The following MRTFB variants were observed in gnomAD, a reference collection of about 807,000 sequenced individuals.
The protein encoded by MRTFB is myocardin related transcription factor B, also known as myocardin-related transcription factor B.
Under a neutral mutation model 104.2 loss-of-function variants are expected in MRTFB, and 29 were observed. That is an observed-to-expected ratio of 0.28 (90% CI 0.21 to 0.38). MRTFB has a LOEUF of 0.38. Among genes scored for constraint, MRTFB ranks in the 10% least tolerant of loss-of-function variants. The probability of loss-of-function intolerance (pLI) is 1.00; values close to 1 mark genes in which losing one functional copy is unlikely to be tolerated. For missense variants in MRTFB, 1,270 were observed against 1,341.6 expected (o/e 0.95, Z 0.83); for synonymous variants, 535 against 519.5 (o/e 1.03, Z -0.41).
intron 2 of MRTFB, among the ~76,000 whole-genome samples, chr16:14,100,842 A>T (rs1383057347): frequency 6.6e-6 from 1 of 152,162 alleles, no homozygotes; most frequent in Non-Finnish European, 1.5e-5. Flanking sequence ...TAAGTTGTTG[A>T]ATTTATTGGC....
rs1377264951 is a variant in MRTFB, at chr16:14,262,609, T to G, written c.*1165T>G. On this transcript the variant is annotated 3_prime_UTR_variant, in exon 17 of 17. Transcript: ENST00000571589. ...CATTTTACAGGCTTGTAACTGGATA[T>G]TCTACCAGAGCTCTCACTATATTGT... is the stretch of plus-strand genomic sequence containing the variant. 6.6e-6 allele frequency: 1 copy of G among 152,218 alleles called. No homozygotes were observed. Among genetic ancestry groups the G allele is most frequent in the African/African-American group, 2.4e-5 (1 of 41,460 alleles). 9.4% of individuals were successfully genotyped at this position (152,218 alleles called of 1,614,324 possible). A position where few individuals can be genotyped will look rare whatever the true frequency, so the allele number is the denominator to read the frequency against.
the MRTFB span, among the ~76,000 whole-genome samples, chr16:14,061,173 G>A: frequency 6.6e-5 from 10 of 152,158 alleles, no homozygotes; most frequent in African/African-American, 2.4e-4. Flanking sequence ...AAACACCAAA[G>A]TTTGTGTTTT....
the MRTFB span, among the ~76,000 whole-genome samples, chr16:14,033,835 C>CAAAAAAAA: frequency 2.2e-5 from 2 of 90,494 alleles, no homozygotes; most frequent in Non-Finnish European, 2.2e-5. Context: ...GACTCAGTCT[C>CAAAAAAAA]AAAAAAAAAA....
chr16:14,180,264 G>A (rs2039724311), intron 3 of MRTFB, among the ~76,000 whole-genome samples: 2 of 152,158 alleles, frequency 1.3e-5, no homozygotes, highest in Non-Finnish European at 2.9e-5. Flanking sequence ...CCTTCAGTGA[G>A]TTACATTAAT....
At chr16:14,091,721 G>T (rs756645463) in intron 2 of MRTFB, among the ~76,000 whole-genome samples, 1 of 151,918 alleles carries the variant, frequency 6.6e-6, no homozygotes, top group African/African-American at 2.4e-5. Flanking sequence ...AAAGCCGGGC[G>T]TGGTGGCTCA....
chr16:14,035,238 TA>T, the MRTFB span, among the ~76,000 whole-genome samples: 1 of 152,126 alleles, frequency 6.6e-6, no homozygotes, highest in African/African-American at 2.4e-5. Flanking sequence ...CCCTTTCCTA[TA>T]AATCAGGGAA....
rs899800023 is a variant in MRTFB at position 14,266,102 on chromosome 16, G to A, written c.*4658G>A. ...TTAAAGGAACCAAAGGCATTGCCAA[G>A]TATTTGCCAAAAGGAGGCACTTTTT... On this transcript the variant is annotated 3_prime_UTR_variant, in exon 17 of 17. Coordinates refer to ENST00000571589, the MANE Select transcript of MRTFB (RefSeq NM_001308142.2). 1.1e-4 allele frequency: 16 copies of A among 152,164 alleles called. No homozygotes were observed. Among genetic ancestry groups the A allele is most frequent in the Non-Finnish European group, 2.2e-4 (15 of 68,034 alleles). 9.4% of individuals were successfully genotyped at this position (152,164 alleles called of 1,614,324 possible). A position where few individuals can be genotyped will look rare whatever the true frequency, so the allele number is the denominator to read the frequency against.
chr16:14,187,138 T>G, intron 3 of MRTFB: 1 of 905,636 alleles, frequency 1.1e-6, no homozygotes, highest in Non-Finnish European at 1.7e-6. Flanking sequence ...CTCTCTCTGT[T>G]CACTCATGTA....
chr16:14,029,528 C>CAG, the MRTFB span, among the ~76,000 whole-genome samples: 1 of 127,402 alleles, frequency 7.8e-6, no homozygotes, highest in Non-Finnish European at 1.8e-5. Flanking sequence ...CACACACACA[C>CAG]ACATATATAT....
At chr16:14,159,770 A>C (rs1389959415) in intron 3 of MRTFB, among the ~76,000 whole-genome samples, 1 of 151,388 alleles carries the variant, frequency 6.6e-6, no homozygotes, top group African/African-American at 2.4e-5. Context: ...TCTACTAAAA[A>C]TACAAAAAAA....
intron 2 of MRTFB, among the ~76,000 whole-genome samples, chr16:14,125,988 C>T (rs187699839): frequency 2.0e-3 from 306 of 152,302 alleles, no homozygotes; most frequent in African/African-American, 6.8e-3. Context: ...TACACTCAAA[C>T]TTCTTAACTT....
chr16:14,251,376 CAAAAAAAAAAAAAAA>C lies in MRTFB; in HGVS notation c.2404-477_2404-463del, dbSNP rs776143724. Among the ~76,000 whole-genome samples, 43 of 44,712 alleles carry C rather than the reference CAAAAAAAAAAAAAAA, an allele frequency of 9.6e-4. 1 individual carries two copies. Among genetic ancestry groups the C allele is most frequent in the African/African-American group, 3.1e-3 (40 of 13,076 alleles). 29.3% of individuals were successfully genotyped at this position (44,712 alleles called of 152,430 possible). ...TGGGTGACACAGCAAGACTCCGTCT[CAAAAAAAAAAAAAAA>C]AAAAAAAAGACTTGAGAGTAGATGA... On this transcript the variant is annotated intron_variant, in intron 13 of 16. Transcript: ENST00000571589.
intron 2 of MRTFB, among the ~76,000 whole-genome samples, chr16:14,136,763 C>T (rs201212798): frequency 3.8e-5 from 5 of 133,046 alleles, no homozygotes; most frequent in South Asian, 3.1e-4. Context: ...TTTTTTTTTT[C>T]CCCCTGTATT....
At chr16:14,246,094 A>G (rs1363955380) in intron 11 of MRTFB, among the ~76,000 whole-genome samples, 3 of 152,222 alleles carry the variant, frequency 2.0e-5, no homozygotes, top group Non-Finnish European at 4.4e-5. Context: ...TAAAATGGGA[A>G]GAATAATGAT....
intron 3 of MRTFB, among the ~76,000 whole-genome samples, chr16:14,190,358 C>T (rs1424748493): frequency 1.3e-5 from 2 of 152,172 alleles, no homozygotes; most frequent in East Asian, 3.9e-4. Context: ...ATTTCTGGAT[C>T]TACAGCTAAG....
intron 6 of MRTFB, among the ~76,000 whole-genome samples, chr16:14,215,669 A>T (rs1350456974): frequency 1.3e-5 from 2 of 152,238 alleles, no homozygotes; most frequent in Admixed American, 1.3e-4. Flanking sequence ...CTCCCCAAGT[A>T]TCATCTTGTA....
At chr16:14,054,857 A>G in the MRTFB span, among the ~76,000 whole-genome samples, 1 of 152,214 alleles carries the variant, frequency 6.6e-6, no homozygotes, top group Non-Finnish European at 1.5e-5. Flanking sequence ...CCAGATTCAC[A>G]TTGCTGCTAG....
chr16:14,115,769 G>A (rs1391060561), intron 2 of MRTFB, among the ~76,000 whole-genome samples: 1 of 152,132 alleles, frequency 6.6e-6, no homozygotes, highest in Non-Finnish European at 1.5e-5. Context: ...GGTGAATTAT[G>A]AAAAAACTCC....
the MRTFB span, among the ~76,000 whole-genome samples, chr16:14,063,215 G>A: frequency 2.6e-5 from 4 of 152,142 alleles, no homozygotes; most frequent in African/African-American, 4.8e-5. Context: ...CAACGACGTT[G>A]CTCACAACAC....
Sources: gnomAD v4.1 joint callset for allele counts (sites outside exome capture counted in the v4.1 genomes callset) on GRCh38, gnomAD v4.1.1 for gene constraint, MANE v1.5 for transcripts, NCBI Gene and HGNC (gene_info 2026-07-23, HGNC 2026-07-21) for gene names.